The following SEMA3F variants were observed in gnomAD, a reference collection of about 807,000 sequenced individuals.
SEMA3F encodes the protein semaphorin 3F.
In SEMA3F, 30 loss-of-function variants were observed where a neutral mutation model predicts 98.5. The observed-to-expected ratio is 0.30, with a 90% CI of 0.23 to 0.41. The LOEUF is 0.41. SEMA3F is among the 10% of genes least tolerant of loss of function. SEMA3F has a pLI of 1.00. For missense variants in SEMA3F, 866 were observed against 1,119.3 expected, an observed-to-expected ratio of 0.77 and a Z score of 3.23; for synonymous variants, 380 against 444.8, an observed-to-expected ratio of 0.85 and a Z score of 1.83.
intron 2 of SEMA3F, among the ~76,000 whole-genome samples, chr3:50,170,381 C>A (rs1158257622): frequency 6.6e-6 from 1 of 152,068 alleles, no homozygotes; most frequent in Non-Finnish European, 1.5e-5. Flanking sequence ...CTCTCTGCTC[C>A]CCAATCTAGC....
At chr3:50,177,073 G>T (rs189428368) in intron 7 of SEMA3F, among the ~76,000 whole-genome samples, 1 of 152,322 alleles carries the variant, frequency 6.6e-6, no homozygotes. Context: ...CCTCCGCCTG[G>T]CCCCTTTGGA....
Position 50,156,770 on chromosome 3 carries a change from GGAGAGAAAGCAGGGGCCA to G in SEMA3F, c.-49+1214_-49+1231del, listed in dbSNP as rs1698002650. Among the ~76,000 whole-genome samples the G allele has an allele frequency of 6.6e-6, 1 of 152,174 alleles. No individual in the cohort carries two copies. Among genetic ancestry groups the G allele is most frequent in the South Asian group, 2.1e-4 (1 of 4,836 alleles). ...GCCCGGAAGTGGGGAGGTGGGGGCC[GGAGAGAAAGCAGGGGCCA>G]GAGAGAAGGCGGCAGCCCACCCAGC... On this transcript the variant is annotated intron_variant, in intron 1 of 18. Coordinates refer to ENST00000002829, the MANE Select transcript of SEMA3F (RefSeq NM_004186.5). The surrounding 1 kb of genome is among the most constrained non-coding windows in gnomAD (Gnocchi z 4.5).
At chr3:50,157,830 A>G (rs1461519238) in intron 1 of SEMA3F, among the ~76,000 whole-genome samples, 1 of 152,198 alleles carries the variant, frequency 6.6e-6, no homozygotes, top group East Asian at 1.9e-4. Flanking sequence ...GTCACCATGA[A>G]CATGGATGAA....
chr3:50,163,809 A>T (rs963695961), intron 2 of SEMA3F, among the ~76,000 whole-genome samples: 8 of 152,176 alleles, frequency 5.3e-5, no homozygotes, highest in African/African-American at 1.9e-4. Context: ...TGGCAGCTAC[A>T]GTGGGGGTTG....
chr3:50,165,774 C>T (rs571492304), intron 2 of SEMA3F, among the ~76,000 whole-genome samples: 2 of 152,340 alleles, frequency 1.3e-5, no homozygotes, highest in African/African-American at 2.4e-5. Context: ...CTTGGCAGGC[C>T]TACAGCCCCC....
rs1158563516 is a variant in SEMA3F, at chr3:50,183,405, C to T, written c.1089-15C>T. 1 of 1,613,818 alleles carries T rather than the reference C, an allele frequency of 6.2e-7. No individual in the cohort carries two copies. Among genetic ancestry groups the T allele is most frequent in the Non-Finnish European group, 8.5e-7 (1 of 1,179,934 alleles). On this transcript the variant is annotated splice_polypyrimidine_tract_variant and intron_variant, in intron 11 of 18. Coordinates refer to ENST00000002829, the MANE Select transcript of SEMA3F (RefSeq NM_004186.5). ...GAGGGTCTGTCCTGCTCAGCAGCGC[C>T]TGCCATGCCCACAGCTCCGTGTTCC... is the stretch of plus-strand genomic sequence containing the variant.
At chr3:50,184,306 G>C in intron 12 of SEMA3F, 1 of 484,580 alleles carries the variant, frequency 2.1e-6, no homozygotes, top group South Asian at 2.2e-5. Context: ...AGATGACAGG[G>C]GTGGGGAGGG....
intron 2 of SEMA3F, among the ~76,000 whole-genome samples, chr3:50,168,556 C>A (rs906813286): frequency 1.3e-5 from 2 of 152,166 alleles, no homozygotes; most frequent in Non-Finnish European, 2.9e-5. Flanking sequence ...TCCCTGCCCC[C>A]CCGCTTAGCT....
chr3:50,181,818 C>T (rs1285684823), intron 7 of SEMA3F, among the ~76,000 whole-genome samples: 1 of 152,178 alleles, frequency 6.6e-6, no homozygotes, highest in East Asian at 1.9e-4. Flanking sequence ...TAGGGTTTCA[C>T]CATCTTGGCC....
intron 7 of SEMA3F, among the ~76,000 whole-genome samples, chr3:50,180,236 A>C (rs968337243): frequency 6.6e-6 from 1 of 150,810 alleles, no homozygotes. Context: ...TGCAACCTCC[A>C]CCCCCCGACT....
chr3:50,186,829 A>G (rs1002954869), intron 18 of SEMA3F, 83 bp downstream of exon 18: 3 of 1,351,854 alleles, frequency 2.2e-6, no homozygotes, highest in African/African-American at 1.5e-5. Context: ...ATCTGGAGCA[A>G]CTCTCATGCT....
At chr3:50,183,793 A>G (rs1553694227) in intron 12 of SEMA3F, among the ~76,000 whole-genome samples, 1 of 152,100 alleles carries the variant, frequency 6.6e-6, no homozygotes, top group Non-Finnish European at 1.5e-5. Context: ...TGCTCCTCAG[A>G]GGGTCCTCTG....
intron 13 of SEMA3F, among the ~76,000 whole-genome samples, chr3:50,185,099 AC>A (rs1699158655): frequency 6.6e-6 from 1 of 152,074 alleles, no homozygotes; most frequent in African/African-American, 2.4e-5. Context: ...GATGGTAGGC[AC>A]CTCCAGGATA....
At chr3:50,170,385 A>G (rs1240341959) in intron 2 of SEMA3F, among the ~76,000 whole-genome samples, 5 of 152,044 alleles carry the variant, frequency 3.3e-5, no homozygotes, top group Admixed American at 6.6e-5. Context: ...CTGCTCCCCA[A>G]TCTAGCACTA....
intron 7 of SEMA3F, among the ~76,000 whole-genome samples, chr3:50,178,261 GA>G (rs1328622794): frequency 6.6e-6 from 1 of 151,826 alleles, no homozygotes; most frequent in East Asian, 1.9e-4. Context: ...GAAAAGACTT[GA>G]AAATTGAAAT....
chr3:50,179,510 G>C (rs1235264322), intron 7 of SEMA3F, among the ~76,000 whole-genome samples: 1 of 152,126 alleles, frequency 6.6e-6, no homozygotes, highest in Non-Finnish European at 1.5e-5. Context: ...ATTATTAGTA[G>C]AGAAAGCGTC....
At chr3:50,162,909 C>T (rs753956914) in intron 2 of SEMA3F, among the ~76,000 whole-genome samples, 6 of 152,156 alleles carry the variant, frequency 3.9e-5, no homozygotes, top group African/African-American at 1.2e-4. Context: ...TGAACATAAT[C>T]GAAATAGTAG....
At chr3:50,186,230 T>G (rs1699205768) in intron 16 of SEMA3F, 51 bp from the exon 17 acceptor site, 1 of 1,588,516 alleles carries the variant, frequency 6.3e-7, no homozygotes, top group East Asian at 2.2e-5. Flanking sequence ...TACAGGGACC[T>G]GGGGGGGCAA....
chr3:50,182,518 G>A lies in SEMA3F; in HGVS notation c.763+115G>A, dbSNP rs918269173. The A allele has an allele frequency of 5.7e-6, 9 of 1,569,672 alleles. No individual in the cohort carries two copies. The African/African-American group carries it at 1.1e-4, about 19-fold the overall frequency. On this transcript the variant is annotated intron_variant, in intron 8 of 18. Transcript: ENST00000002829. The surrounding 1 kb of genome is among the most constrained non-coding windows in gnomAD (Gnocchi z 4.5). ...CATGTTTAGCCTATGACTACCTGGG[G>A]CAGGGGTAGTTTCTTATCTGGAGAG...
Sources: allele counts gnomAD v4.1 joint callset (sites outside exome capture counted in the v4.1 genomes callset), GRCh38; gene constraint gnomAD v4.1.1; non-coding constraint Gnocchi (gnomAD v3.1); transcripts MANE v1.5; gene names NCBI Gene and HGNC (gene_info 2026-07-23, HGNC 2026-07-21).